Variants in ANAPC10 observed in about 807,000 individuals in gnomAD.
ANAPC10 encodes anaphase promoting complex subunit 10.
In ANAPC10, 12 loss-of-function variants were observed where a neutral mutation model predicts 22.0. That is an observed-to-expected ratio of 0.55 (90% confidence interval 0.35 to 0.88). ANAPC10 has a LOEUF of 0.88. ANAPC10 is among the 40% of genes least tolerant of loss of function. The pLI is 0.01. For missense variants in ANAPC10, 188 were observed against 220.9 expected, an observed-to-expected ratio of 0.85 and a Z score of 0.94; for synonymous variants, 65 against 69.5, an observed-to-expected ratio of 0.94 and a Z score of 0.32.
intron 4 of ANAPC10, among the ~76,000 whole-genome samples, chr4:145,030,315 A>C (rs1737365598): frequency 6.6e-6 from 1 of 152,222 alleles, no homozygotes; most frequent in South Asian, 2.1e-4. Flanking sequence ...AGGAGAGGCC[A>C]GGTCCCCTTG....
chr4:144,997,133 G>C (rs192562120), intron 4 of ANAPC10, among the ~76,000 whole-genome samples: 128 of 152,274 alleles, frequency 8.4e-4, no homozygotes, highest in African/African-American at 2.7e-3. Flanking sequence ...GAAAGTGACG[G>C]CCAGAATGGA....
chr4:145,093,521 C>T (rs1414763025), intron 2 of ANAPC10, among the ~76,000 whole-genome samples: 1 of 149,938 alleles, frequency 6.7e-6, no homozygotes, highest in Non-Finnish European at 1.5e-5. Context: ...GTTGTTGGAA[C>T]TACCAGACAG....
intron 4 of ANAPC10, among the ~76,000 whole-genome samples, chr4:145,014,231 T>G (rs1734769354): frequency 6.6e-6 from 1 of 151,998 alleles, no homozygotes; most frequent in African/African-American, 2.4e-5. Context: ...GGAAACAGAC[T>G]CAGTGCTGTT....
chr4:145,090,286 TTG>T (rs890572962), intron 2 of ANAPC10, among the ~76,000 whole-genome samples: 6 of 152,168 alleles, frequency 3.9e-5, no homozygotes, highest in African/African-American at 1.2e-4. Flanking sequence ...GTTTTTCTAT[TTG>T]TGTTATTTTT....
At position 145,034,507 on chromosome 4, in the gene ANAPC10, C is replaced by G. The variant is rs895887747; in HGVS notation, c.327+30065G>C. The stretch of plus-strand genomic sequence containing the variant: ...GACCTTGTGATTCTGTAAGTTAACA[C>G]TTAACAAACTCTCCTTTATATATAT... On this transcript the variant is annotated intron_variant, in intron 4 of 4. Transcript: ENST00000507656. Among the ~76,000 whole-genome samples, 3 of 118,908 alleles carry G rather than the reference C, an allele frequency of 2.5e-5. No individual in the cohort carries two copies. The East Asian group carries it at 9.1e-4, about 36-fold the overall frequency. 78.0% of individuals were successfully genotyped at this position (118,908 alleles called of 152,430 possible).
At chr4:145,068,716 C>T (rs978060001) in intron 3 of ANAPC10, among the ~76,000 whole-genome samples, 4 of 152,110 alleles carry the variant, frequency 2.6e-5, no homozygotes, top group Admixed American at 6.5e-5. Flanking sequence ...TCGAGACCAT[C>T]CTGGCCAACA....
Position 145,026,957 on chromosome 4 carries a change from GTATATA to G in ANAPC10, c.328-31360_328-31355del, listed in dbSNP as rs1578954678. Among the ~76,000 whole-genome samples, 72 of 18,338 alleles carry G rather than the reference GTATATA, an allele frequency of 3.9e-3. 1 individual carries two copies. The highest frequency in any genetic ancestry group is 0.017 in the African/African-American group (59 of 3,456). 12.0% of individuals were successfully genotyped at this position (18,338 alleles called of 152,430 possible). ...TATATATATATATATGTGTGTGTGTGTATATATATATATATATATATATATATATAT... is the reference window on the plus strand; with the variant it reads ...TATATATATATATATGTGTGTGTGTGTATATATATATATATATATATATAT... On this transcript the variant is annotated intron_variant, in intron 4 of 4. Coordinates refer to ENST00000507656, the MANE Select transcript of ANAPC10 (RefSeq NM_001256706.2).
chr4:145,040,921 T>G (rs904753359), intron 4 of ANAPC10, among the ~76,000 whole-genome samples: 1 of 152,182 alleles, frequency 6.6e-6, no homozygotes, highest in Non-Finnish European at 1.5e-5. Flanking sequence ...TGTTTTATAT[T>G]ATTAGTTAAT....
intron 4 of ANAPC10, among the ~76,000 whole-genome samples, chr4:145,045,223 GGTAAT>G (rs570406524): frequency 5.8e-4 from 88 of 152,102 alleles, no homozygotes; most frequent in African/African-American, 2.0e-3. Flanking sequence ...TATGTGACCA[GGTAAT>G]GTGAATAAGT....
intron 3 of ANAPC10, among the ~76,000 whole-genome samples, chr4:145,066,428 A>G (rs1743694234): frequency 6.6e-6 from 1 of 152,120 alleles, no homozygotes; most frequent in Non-Finnish European, 1.5e-5. Flanking sequence ...GCAGGAAGTA[A>G]ATGGTCTTTC....
chr4:145,003,773 T>C (rs951007261), intron 4 of ANAPC10, among the ~76,000 whole-genome samples: 1 of 152,224 alleles, frequency 6.6e-6, no homozygotes, highest in Non-Finnish European at 1.5e-5. Flanking sequence ...TCAGGTAATA[T>C]GATGCTTCTA....
At chr4:145,056,089 G>A (rs932834792) in intron 4 of ANAPC10, among the ~76,000 whole-genome samples, 16 of 152,158 alleles carry the variant, frequency 1.1e-4, no homozygotes, top group African/African-American at 3.6e-4. Flanking sequence ...TACGAGCTGG[G>A]TAAAATGAAG....
chr4:145,091,606 G>A (rs535533274), intron 2 of ANAPC10, among the ~76,000 whole-genome samples: 4 of 152,226 alleles, frequency 2.6e-5, no homozygotes, highest in East Asian at 3.9e-4. Context: ...ACTGATGGGC[G>A]TTTGGGTTGA....
At chr4:145,061,592 G>A (rs2126443077) in intron 4 of ANAPC10, among the ~76,000 whole-genome samples, 1 of 152,194 alleles carries the variant, frequency 6.6e-6, no homozygotes, top group South Asian at 2.1e-4. Context: ...TATTGCTAGT[G>A]TTTCACTTAT....
intron 4 of ANAPC10, among the ~76,000 whole-genome samples, chr4:145,063,066 G>A (rs897816194): frequency 1.3e-5 from 2 of 152,094 alleles, no homozygotes; most frequent in African/African-American, 4.8e-5. Context: ...CAGTTAGATA[G>A]GAAGAATAAA....
intron 4 of ANAPC10, among the ~76,000 whole-genome samples, chr4:145,031,972 G>C (rs531920814): frequency 1.3e-5 from 2 of 152,162 alleles, no homozygotes; most frequent in Non-Finnish European, 2.9e-5. Flanking sequence ...AATGGAAGTG[G>C]TATATACGTG....
At chr4:145,051,546 T>C (rs1179837898) in intron 4 of ANAPC10, among the ~76,000 whole-genome samples, 2 of 152,174 alleles carry the variant, frequency 1.3e-5, no homozygotes, top group Non-Finnish European at 2.9e-5. Context: ...CAGTTATCTA[T>C]AAAGTGCAAT....
chr4:145,014,469 A>G (rs1336645746), intron 4 of ANAPC10, among the ~76,000 whole-genome samples: 2 of 151,924 alleles, frequency 1.3e-5, no homozygotes, highest in Non-Finnish European at 2.9e-5. Context: ...AGACACACCA[A>G]ACCCTGCCCC....
At chr4:145,086,392 G>C (rs1323556422) in intron 2 of ANAPC10, among the ~76,000 whole-genome samples, 1 of 152,176 alleles carries the variant, frequency 6.6e-6, no homozygotes, top group Non-Finnish European at 1.5e-5. Flanking sequence ...AGAGGTACTG[G>C]TTCTCCAATG....
Sources: allele counts gnomAD v4.1 joint callset (sites outside exome capture counted in the v4.1 genomes callset), GRCh38; gene constraint gnomAD v4.1.1; transcripts MANE v1.5; gene names NCBI Gene and HGNC (gene_info 2026-07-23, HGNC 2026-07-21).